Variants in CWH43 observed in about 807,000 individuals in gnomAD.
The protein encoded by CWH43 is PGAP2-interacting protein.
In CWH43, 91 loss-of-function variants were observed where a neutral mutation model predicts 85.7. The observed-to-expected ratio is 1.06, with a 90% CI of 0.90 to 1.26. CWH43 has a LOEUF of 1.26. Ranked by LOEUF, CWH43 falls within the 50% of genes most tolerant of loss-of-function variation. CWH43 has a pLI of 0.00. For synonymous variants in CWH43, 323 were observed against 293.6 expected, an observed-to-expected ratio of 1.10 and a Z score of -1.02; for missense variants, 869 against 839.2, an observed-to-expected ratio of 1.04 and a Z score of -0.44.
intron 15 of CWH43, among the ~76,000 whole-genome samples, chr4:49,061,273 G>T (rs1459805036): frequency 6.6e-6 from 1 of 152,210 alleles, no homozygotes; most frequent in African/African-American, 2.4e-5. Context: ...TTACATTATA[G>T]AGGTTAGATA....
chr4:49,003,694 C>T (rs375930429), intron 6 of CWH43, 41 bp from the exon 7 acceptor site: 45 of 1,608,678 alleles, frequency 2.8e-5, no homozygotes, highest in African/African-American at 4.0e-5. Flanking sequence ...CCTCTAAGCT[C>T]GACTGCTTTC....
Position 49,003,780 on chromosome 4 carries a change from C to G in CWH43, c.848C>G (p.Ala283Gly). The change falls in exon 7 of 16, where the codon GCT (alanine) becomes GGT (glycine). Residue 283 changes from alanine (A) to glycine (G), a missense_variant. Physicochemically the swap from Ala to Gly is moderately conservative, Grantham distance 60. Around this residue, in one of 3 missense-constraint regions of CWH43, gnomAD observed 577 missense variants for 513.1 expected, o/e 1.12. Transcript: ENST00000226432. Reference sequence around the variant, plus strand: ...CTCCTTTACCTGCACACATGGGCAGCTGCTGTGTCTGGCTGTGTCTTCGCC... The same window carrying G: ...CTCCTTTACCTGCACACATGGGCAGGTGCTGTGTCTGGCTGTGTCTTCGCC... ...AGLLYLHTWA[A>G]AVSGCVFAIF... 1 of 1,613,982 alleles carries G rather than the reference C, an allele frequency of 6.2e-7. No individual in the cohort carries two copies. The highest frequency in any genetic ancestry group is 8.5e-7 in the Non-Finnish European group (1 of 1,179,906).
intron 15 of CWH43, among the ~76,000 whole-genome samples, chr4:49,057,978 T>A (rs764246300): frequency 2.6e-5 from 4 of 152,220 alleles, no homozygotes; most frequent in Non-Finnish European, 5.9e-5. Context: ...ACCTTCGCTT[T>A]CAGTCTATGT....
chr4:49,007,609 A>G (rs928526106), intron 8 of CWH43, among the ~76,000 whole-genome samples: 7 of 152,066 alleles, frequency 4.6e-5, no homozygotes, highest in Non-Finnish European at 1.0e-4. Flanking sequence ...ATTCCTCCTA[A>G]TGCTATCCCT....
chr4:49,022,654 T>C (rs1408844774), intron 9 of CWH43, among the ~76,000 whole-genome samples: 1 of 152,334 alleles, frequency 6.6e-6, no homozygotes, highest in African/African-American at 2.4e-5. Flanking sequence ...TCTGATAGAA[T>C]TCAGCTGTGA....
At position 49,019,493 on chromosome 4, in the gene CWH43, G is replaced by A. The variant is rs1405392019; in HGVS notation, c.1266+2165G>A. On this transcript the variant is annotated intron_variant, in intron 9 of 15. Transcript: ENST00000226432. ...GGAGAGGCTGGGGAGGGCCATACCA[G>A]GGCCTTGTAGAACACAGTGAGAAGT... Among the ~76,000 whole-genome samples the A allele has an allele frequency of 2.6e-5, 4 of 152,178 alleles. No individual in the cohort carries two copies. In the East Asian group the frequency reaches 7.7e-4, roughly 29 times the overall value.
At chr4:49,043,667 T>A (rs925244331) in intron 13 of CWH43, among the ~76,000 whole-genome samples, 4 of 152,044 alleles carry the variant, frequency 2.6e-5, no homozygotes, top group African/African-American at 9.7e-5. Flanking sequence ...ATTTTTAAAA[T>A]TTTTTTGCAA....
chr4:49,025,569 C>G (rs1783886097), intron 9 of CWH43, among the ~76,000 whole-genome samples: 1 of 152,214 alleles, frequency 6.6e-6, no homozygotes, highest in Non-Finnish European at 1.5e-5. Context: ...GTGCTCTCCC[C>G]TTTTCCCCAG....
chr4:49,032,189 A>G (rs1264574293), intron 11 of CWH43, among the ~76,000 whole-genome samples: 4 of 152,018 alleles, frequency 2.6e-5, no homozygotes, highest in Non-Finnish European at 4.4e-5. Flanking sequence ...GTAAGTTGTT[A>G]CTCCATGTTC....
chr4:49,022,691 G>T (rs1783790572), intron 9 of CWH43, among the ~76,000 whole-genome samples: 1 of 151,796 alleles, frequency 6.6e-6, no homozygotes, highest in Non-Finnish European at 1.5e-5. Flanking sequence ...ACTTTTTTTT[G>T]TTAGCAATTT....
At chr4:49,016,473 T>A (rs978246948) in intron 8 of CWH43, among the ~76,000 whole-genome samples, 12 of 152,130 alleles carry the variant, frequency 7.9e-5, no homozygotes, top group Non-Finnish European at 8.8e-5. Flanking sequence ...TTCCACCCTT[T>A]CCATCTCTCA....
At chr4:49,059,642 T>C (rs1785076871) in intron 15 of CWH43, among the ~76,000 whole-genome samples, 1 of 152,222 alleles carries the variant, frequency 6.6e-6, no homozygotes. Flanking sequence ...CAGTGGGCTA[T>C]CTAGCTGGGC....
chr4:49,054,446 C>A (rs1784892235), intron 15 of CWH43, among the ~76,000 whole-genome samples: 1 of 152,070 alleles, frequency 6.6e-6, no homozygotes, highest in African/African-American at 2.4e-5. Flanking sequence ...AGCGTGATGC[C>A]TCCAGCTTTG....
chr4:48,988,737 G>C, intron 2 of CWH43, 69 bp downstream of exon 2: 3 of 924,004 alleles, frequency 3.2e-6, no homozygotes, highest in Non-Finnish European at 4.6e-6. Context: ...TATGTAGACT[G>C]TTCTTTGAAT....
chr4:49,022,346 C>T (rs181655740), intron 9 of CWH43, among the ~76,000 whole-genome samples: 56 of 152,210 alleles, frequency 3.7e-4, no homozygotes, highest in African/African-American at 1.3e-3. Context: ...TGTGGTGTAT[C>T]ACATTTATTG....
chr4:48,988,338 G>GTCGCCGTATCATTAAAA, intron 1 of CWH43, 139 bp from the exon 2 acceptor site: 1 of 466,960 alleles, frequency 2.1e-6, no homozygotes, highest in Non-Finnish European at 3.6e-6. Flanking sequence ...CATGTCAGTG[G>GTCGCCGTATCATTAAAA]AGACAACTGG....
At chr4:49,015,755 G>A (rs1255939717) in intron 8 of CWH43, among the ~76,000 whole-genome samples, 1 of 151,974 alleles carries the variant, frequency 6.6e-6, no homozygotes, top group African/African-American at 2.4e-5. Flanking sequence ...GCTGCCCCTT[G>A]AACTAACTCT....
chr4:49,012,560 T>G (rs1783399074), intron 8 of CWH43, among the ~76,000 whole-genome samples: 1 of 152,214 alleles, frequency 6.6e-6, no homozygotes, highest in South Asian at 2.1e-4. Context: ...GCACTCTGGT[T>G]TTTAGAATTT....
At chr4:49,039,975 A>T (rs1231844442) in intron 13 of CWH43, among the ~76,000 whole-genome samples, 14 of 151,948 alleles carry the variant, frequency 9.2e-5, no homozygotes, top group Non-Finnish European at 1.6e-4. Flanking sequence ...AGTTCCCACC[A>T]ATGAGTGAGA....
Sources: gnomAD v4.1 joint callset for allele counts (sites outside exome capture counted in the v4.1 genomes callset) on GRCh38, gnomAD v4.1.1 for gene constraint, gnomAD v4.1.1 regional missense constraint, MANE v1.5 for transcripts, NCBI Gene and HGNC (gene_info 2026-07-23, HGNC 2026-07-21) for gene names.